Variants in ANXA11 observed in about 807,000 individuals in gnomAD.
ANXA11 encodes annexin A11, also known as 56 kDa autoantigen.
A neutral mutation model predicts 64.7 loss-of-function variants in ANXA11; 57 were observed. That is an observed-to-expected ratio of 0.88 (90% CI 0.71 to 1.10). The LOEUF is 1.10. Among genes scored for constraint, ANXA11 ranks in the 50% least tolerant of loss-of-function variants. The pLI, the probability that ANXA11 is intolerant of heterozygous loss-of-function variation, is 0.00. For missense variants in ANXA11, 675 were observed against 670.7 expected, an observed-to-expected ratio of 1.01 and a Z score of -0.07; for synonymous variants, 260 against 265.2, an observed-to-expected ratio of 0.98 and a Z score of 0.19.
intron 1 of ANXA11, among the ~76,000 whole-genome samples, chr10:80,185,647 T>C (rs1317502788): frequency 6.6e-6 from 1 of 152,272 alleles, no homozygotes; most frequent in African/African-American, 2.4e-5. Context: ...TGTTAAGTGC[T>C]TCACACGGAA....
intron 15 of ANXA11, among the ~76,000 whole-genome samples, chr10:80,156,196 G>A (rs571917850): frequency 6.6e-5 from 10 of 152,290 alleles, no homozygotes; most frequent in African/African-American, 1.9e-4. Context: ...CCACTTCCCA[G>A]GGCTAACCAA....
chr10:80,182,378 C>G (rs1846387351), intron 1 of ANXA11, among the ~76,000 whole-genome samples: 1 of 152,088 alleles, frequency 6.6e-6, no homozygotes, highest in Non-Finnish European at 1.5e-5. Flanking sequence ...GAAAAGCAAG[C>G]ATTCTTCCCT....
At chr10:80,157,062 C>T (rs1589412030) in intron 15 of ANXA11, 1 of 984,324 alleles carries the variant, frequency 1.0e-6, no homozygotes. Context: ...ACTTGACCTG[C>T]ACTGCCTCAC....
At chr10:80,156,003 T>G (rs569917387) in intron 15 of ANXA11, 91 bp from the exon 16 acceptor site, 3 of 1,322,442 alleles carry the variant, frequency 2.3e-6, no homozygotes, top group Admixed American at 3.4e-5. Flanking sequence ...AGCACCCTTA[T>G]AGGGAGAAAG....
At chr10:80,172,548 C>T (rs1345192557) in intron 3 of ANXA11, among the ~76,000 whole-genome samples, 1 of 152,136 alleles carries the variant, frequency 6.6e-6, no homozygotes, top group Non-Finnish European at 1.5e-5. Flanking sequence ...GAGAGTAAGG[C>T]AAGAGACCCA....
At chr10:80,187,891 C>T (rs1846608416) in intron 1 of ANXA11, among the ~76,000 whole-genome samples, 1 of 152,154 alleles carries the variant, frequency 6.6e-6, no homozygotes, top group African/African-American at 2.4e-5. Flanking sequence ...TCTCCCAGAT[C>T]TCCTGGGCCC....
At chr10:80,183,265 A>G (rs1369613006) in intron 1 of ANXA11, among the ~76,000 whole-genome samples, 2 of 152,230 alleles carry the variant, frequency 1.3e-5, no homozygotes. Flanking sequence ...CTACTACGGT[A>G]GTCCTGTTCC....
chr10:80,178,807 T>C (rs1194352229), intron 1 of ANXA11, among the ~76,000 whole-genome samples: 1 of 152,196 alleles, frequency 6.6e-6, no homozygotes, highest in East Asian at 1.9e-4. Context: ...GAGAGCTCAC[T>C]AAACATGCTA....
At chr10:80,176,693 TG>T (rs1463978571) in intron 1 of ANXA11, among the ~76,000 whole-genome samples, 1 of 152,126 alleles carries the variant, frequency 6.6e-6, no homozygotes, top group Non-Finnish European at 1.5e-5. Flanking sequence ...CAGGCAGCCT[TG>T]GTAACCCTGG....
rs1845221671 is a variant in ANXA11, at chr10:80,154,723, C to T, written c.*1130G>A. The T allele has an allele frequency of 6.6e-6, 1 of 152,282 alleles. No individual in the cohort carries two copies. Among genetic ancestry groups the T allele is most frequent in the African/African-American group, 2.4e-5 (1 of 41,464 alleles). The allele number at this position is 152,282 out of a possible 1,614,324, so 9.4% of individuals were successfully genotyped here. A position where few individuals can be genotyped will look rare whatever the true frequency, so the allele number is the denominator to read the frequency against. ...ACCAGAGCCAGGAGCCCCTTTCAGC[C>T]TGGAGGCACCCTGAGGGGAGGCACT... On this transcript the variant is annotated 3_prime_UTR_variant, in exon 16 of 16. Transcript: ENST00000422982.
chr10:80,185,954 G>A (rs1383570844), intron 1 of ANXA11, among the ~76,000 whole-genome samples: 1 of 152,164 alleles, frequency 6.6e-6, no homozygotes, highest in Non-Finnish European at 1.5e-5. Flanking sequence ...TTCACTGTAT[G>A]AAACTTCATT....
intron 3 of ANXA11, among the ~76,000 whole-genome samples, chr10:80,172,172 C>T (rs1417723513): frequency 6.6e-6 from 1 of 152,176 alleles, no homozygotes; most frequent in Non-Finnish European, 1.5e-5. Context: ...TATTTCCTTT[C>T]CCACAGTGGG....
chr10:80,191,757 A>T (rs1382476822), intron 1 of ANXA11, among the ~76,000 whole-genome samples: 1 of 152,214 alleles, frequency 6.6e-6, no homozygotes, highest in Non-Finnish European at 1.5e-5. Context: ...ACGCATGCCC[A>T]GTCAGCATTT....
At position 80,169,186 on chromosome 10, in the gene ANXA11, G is replaced by T; in HGVS notation, c.344C>A (p.Ser115Tyr). ...GTATGGCGGATATGAGGGCATCCTG[G>T]AGGGTGGGTTTCCTCCTGGGGGTGG... is the stretch of plus-strand genomic sequence containing the variant. ...MYPPPGGNPP[S>Y]RMPSYPPYPG... The change falls in exon 5 of 16, where the codon TCC (serine) becomes TAC (tyrosine). Residue 115 changes from serine to tyrosine, a missense_variant. Transcript: ENST00000422982. 1 of 1,602,516 alleles carries T rather than the reference G, an allele frequency of 6.2e-7. No individual in the cohort carries two copies. Among genetic ancestry groups the T allele is most frequent in the African/African-American group, 1.3e-5 (1 of 74,368 alleles).
rs569917387 is a variant in ANXA11, at chr10:80,156,003, T to C, written c.1459-91A>G. 283 of 1,322,444 alleles carry C rather than the reference T, an allele frequency of 2.1e-4. No individual in the cohort carries two copies. The African/African-American group carries it at 2.8e-3, about 13-fold the overall frequency. 81.9% of individuals were successfully genotyped at this position (1,322,444 alleles called of 1,614,324 possible). ...TGATATTCAGCCCTGAGCACCCTTA[T>C]AGGGAGAAAGCCCCACCCTGGGGAA... is the stretch of plus-strand genomic sequence containing the variant. On this transcript the variant is annotated intron_variant, in intron 15 of 15. Coordinates refer to ENST00000422982, the MANE Select transcript of ANXA11 (RefSeq NM_145868.2).
intron 7 of ANXA11, chr10:80,166,533 T>A: frequency 2.3e-6 from 1 of 442,484 alleles, no homozygotes; most frequent in South Asian, 2.6e-5. Flanking sequence ...CCCCTCGTAC[T>A]TGGGCAGCAC....
chr10:80,185,507 A>C (rs1315981761), intron 1 of ANXA11, among the ~76,000 whole-genome samples: 1 of 152,258 alleles, frequency 6.6e-6, no homozygotes. Context: ...GCCAATTTGC[A>C]ACAGCGTAAT....
chr10:80,205,689 C>T (rs1840651636), upstream of ANXA11: 1 of 152,220 alleles, frequency 6.6e-6, no homozygotes, highest in Non-Finnish European at 1.5e-5. Context: ...TCTCGGGCTC[C>T]GGAGGTCCCT....
chr10:80,161,456 CT>C (rs1455759374), intron 12 of ANXA11, among the ~76,000 whole-genome samples: 2 of 152,208 alleles, frequency 1.3e-5, no homozygotes, highest in African/African-American at 4.8e-5. Flanking sequence ...TACTGTCTGT[CT>C]CCCCAAATGA....
Sources: gnomAD v4.1 joint callset for allele counts (sites outside exome capture counted in the v4.1 genomes callset) on GRCh38, gnomAD v4.1.1 for gene constraint, MANE v1.5 for transcripts, NCBI Gene and HGNC (gene_info 2026-07-23, HGNC 2026-07-21) for gene names.